Variants in CLVS1 observed in about 807,000 individuals in gnomAD.
The protein encoded by CLVS1 is clavesin 1, also known as clavesin-1.
A neutral mutation model predicts 33.1 loss-of-function variants in CLVS1; 10 were observed. The ratio of observed to expected loss-of-function variants is 0.30; its 90% CI spans 0.19 to 0.51. CLVS1 has a LOEUF of 0.51. Ranked by LOEUF, CLVS1 falls within the 20% of genes least tolerant of loss-of-function variation. The probability of loss-of-function intolerance (pLI) is 0.97; values close to 1 mark genes in which losing one functional copy is unlikely to be tolerated. For missense variants in CLVS1, 343 were observed against 433.4 expected (o/e 0.79, Z 1.85); for synonymous variants, 163 against 166.1 (o/e 0.98, Z 0.14).
intron 2 of CLVS1, among the ~76,000 whole-genome samples, chr8:61,232,041 T>TTTTTTTTTTTTTTTTTTG (rs1554548394): frequency 1.5e-4 from 17 of 116,014 alleles, no homozygotes; most frequent in African/African-American, 7.1e-4. Context: ...TTTTTTTTTT[T>TTTTTTTTTTTTTTTTTTG]TTTTTTTTTG....
the CLVS1 span, among the ~76,000 whole-genome samples, chr8:61,025,082 CA>C: frequency 2.6e-5 from 4 of 152,180 alleles, no homozygotes; most frequent in Non-Finnish European, 5.9e-5. Context: ...CTCCTGACCT[CA>C]GGTGATACTC....
intron 2 of CLVS1, among the ~76,000 whole-genome samples, chr8:61,159,024 A>G (rs1486277854): frequency 1.3e-5 from 2 of 152,108 alleles, no homozygotes; most frequent in African/African-American, 2.4e-5. Context: ...ATGAGCCACC[A>G]TGCTATAATT....
At chr8:61,009,722 T>C in the CLVS1 span, among the ~76,000 whole-genome samples, 1 of 152,230 alleles carries the variant, frequency 6.6e-6, no homozygotes, top group South Asian at 2.1e-4. Flanking sequence ...AGGTATCCTA[T>C]GAGCTATCAG....
rs962124781 is a variant in CLVS1, at chr8:61,149,090, T to TA, written c.-152+17238dup. On this transcript the variant is annotated intron_variant, in intron 2 of 2. Transcript: ENST00000522621. ...AAATTTTTTTTGGTTGTTTTCTTAT[T>TA]AAAAAAAATCCACTAAAATATAATC... Among the ~76,000 whole-genome samples the TA allele has an allele frequency of 3.7e-4, 56 of 152,074 alleles. 1 individual carries two copies. Among genetic ancestry groups the TA allele is most frequent in the Admixed American group, 2.9e-3 (45 of 15,294 alleles).
intron 2 of CLVS1, among the ~76,000 whole-genome samples, chr8:61,188,344 A>G (rs574630692): frequency 2.0e-5 from 3 of 152,294 alleles, no homozygotes; most frequent in Non-Finnish European, 4.4e-5. Context: ...TCTAGACCAC[A>G]GAGTATTCAT....
chr8:61,306,258 G>A (rs1810622928), intron 2 of CLVS1, among the ~76,000 whole-genome samples: 1 of 152,104 alleles, frequency 6.6e-6, no homozygotes, highest in South Asian at 2.1e-4. Flanking sequence ...ACCTCACTGT[G>A]GTTTTGATTT....
chr8:61,321,655 G>A (rs558623477), intron 2 of CLVS1, among the ~76,000 whole-genome samples: 1 of 152,162 alleles, frequency 6.6e-6, no homozygotes, highest in African/African-American at 2.4e-5. Flanking sequence ...ACAGGTCTAT[G>A]CAGTTCCTCC....
intron 5 of CLVS1, among the ~76,000 whole-genome samples, chr8:61,467,408 T>C (rs985137345): frequency 6.6e-6 from 1 of 152,208 alleles, no homozygotes; most frequent in Non-Finnish European, 1.5e-5. Context: ...AAAGAGCATC[T>C]TTCCCGGTAT....
intron 2 of CLVS1, among the ~76,000 whole-genome samples, chr8:61,316,486 G>A (rs1006110456): frequency 2.0e-5 from 3 of 152,136 alleles, no homozygotes; most frequent in Non-Finnish European, 4.4e-5. Context: ...TACTGGGGAG[G>A]CAAATATCCT....
At chr8:61,454,320 C>T in intron 4 of CLVS1, 69 bp downstream of exon 4, 1 of 1,068,914 alleles carries the variant, frequency 9.4e-7, no homozygotes. Flanking sequence ...TCTCTCCCCT[C>T]CTCTCTCCTT....
At chr8:61,433,661 G>A (rs1241527732) in intron 3 of CLVS1, among the ~76,000 whole-genome samples, 1 of 152,130 alleles carries the variant, frequency 6.6e-6, no homozygotes, top group African/African-American at 2.4e-5. Context: ...TGGGCAAGCT[G>A]GGAGGATGTG....
chr8:61,278,370 A>G (rs1056053503), intron 2 of CLVS1, among the ~76,000 whole-genome samples: 1 of 152,240 alleles, frequency 6.6e-6, no homozygotes, highest in African/African-American at 2.4e-5. Context: ...CTGTAACACT[A>G]ATTTCTGTTT....
chr8:61,303,254 C>G (rs1810500805), intron 2 of CLVS1, among the ~76,000 whole-genome samples: 1 of 152,136 alleles, frequency 6.6e-6, no homozygotes, highest in South Asian at 2.1e-4. Context: ...CCATGTATAT[C>G]CCAAAGTATG....
intron 2 of CLVS1, among the ~76,000 whole-genome samples, chr8:61,135,402 A>G (rs1806175373): frequency 6.6e-6 from 1 of 152,116 alleles, no homozygotes; most frequent in Non-Finnish European, 1.5e-5. Context: ...GCTTGATTCT[A>G]TGTGGGTCAA....
chr8:61,442,458 G>C (rs1044035783), intron 3 of CLVS1, among the ~76,000 whole-genome samples: 5 of 152,174 alleles, frequency 3.3e-5, no homozygotes, highest in Non-Finnish European at 5.9e-5. Flanking sequence ...TAAATGCGCA[G>C]GAGTACAATT....
chr8:61,334,453 G>T (rs1811711460), intron 2 of CLVS1, among the ~76,000 whole-genome samples: 1 of 152,208 alleles, frequency 6.6e-6, no homozygotes, highest in Non-Finnish European at 1.5e-5. Context: ...TATGGGAAGA[G>T]CGATTCTTTG....
At chr8:60,996,209 C>T in the CLVS1 span, among the ~76,000 whole-genome samples, 1 of 152,286 alleles carries the variant, frequency 6.6e-6, no homozygotes, top group Admixed American at 6.5e-5. Context: ...ATGGAAAAAT[C>T]TATTTGGTAA....
At chr8:61,258,581 C>T (rs1809134233) in intron 2 of CLVS1, among the ~76,000 whole-genome samples, 1 of 152,162 alleles carries the variant, frequency 6.6e-6, no homozygotes, top group Non-Finnish European at 1.5e-5. Flanking sequence ...AATCAGTTCT[C>T]ACCTCTGTGA....
At chr8:61,331,391 T>G (rs1391352009) in intron 2 of CLVS1, among the ~76,000 whole-genome samples, 1 of 152,108 alleles carries the variant, frequency 6.6e-6, no homozygotes, top group East Asian at 1.9e-4. Context: ...TGAAAAATCA[T>G]GTTCTTTCAT....
Sources: allele counts gnomAD v4.1 joint callset (sites outside exome capture counted in the v4.1 genomes callset), GRCh38; gene constraint gnomAD v4.1.1; transcripts MANE v1.5; gene names NCBI Gene and HGNC (gene_info 2026-07-23, HGNC 2026-07-21).